The following CDC14A variants were observed in gnomAD, a reference collection of about 807,000 sequenced individuals.
CDC14A encodes the protein dual specificity protein phosphatase CDC14A.
CDC14A carries 53 observed loss-of-function variants against 74.4 expected under a neutral mutation model. The observed-to-expected ratio is 0.71, with a 90% confidence interval of 0.57 to 0.89. The LOEUF (loss-of-function observed/expected upper bound fraction) is 0.89, where lower values mean the gene tolerates loss of function less well. CDC14A is among the 40% of genes least tolerant of loss of function. The pLI is 0.00. For missense variants in CDC14A, 646 were observed against 713.7 expected, an observed-to-expected ratio of 0.91 and a Z score of 1.08; for synonymous variants, 247 against 258.4, an observed-to-expected ratio of 0.96 and a Z score of 0.43.
At chr1:100,467,121 C>T (rs1025506727) in intron 9 of CDC14A, among the ~76,000 whole-genome samples, 5 of 152,040 alleles carry the variant, frequency 3.3e-5, no homozygotes, top group Admixed American at 6.6e-5. Context: ...TAAAGACATA[C>T]ATTTTTCATA....
upstream of CDC14A, among the ~76,000 whole-genome samples, chr1:100,348,035 G>C (rs186989567): frequency 1.5e-4 from 23 of 152,226 alleles, no homozygotes; most frequent in Admixed American, 1.2e-3. Flanking sequence ...TGTAATCCCA[G>C]CACTTTGGGA....
chr1:100,373,975 C>T (rs929370025), intron 2 of CDC14A, among the ~76,000 whole-genome samples: 4 of 152,124 alleles, frequency 2.6e-5, no homozygotes, highest in Non-Finnish European at 2.9e-5. Flanking sequence ...CCACAACAGT[C>T]CCCAGAGTGT....
chr1:100,454,821 C>T (rs890029018), intron 7 of CDC14A, among the ~76,000 whole-genome samples: 3 of 152,120 alleles, frequency 2.0e-5, no homozygotes, highest in African/African-American at 7.2e-5. Flanking sequence ...ATGTATGTCC[C>T]TTGCTTGAAT....
chr1:100,394,882 CAAT>C (rs1658254457), intron 4 of CDC14A, among the ~76,000 whole-genome samples: 2 of 152,240 alleles, frequency 1.3e-5, no homozygotes, highest in African/African-American at 4.8e-5. Flanking sequence ...GTAAGATAGT[CAAT>C]AATATCCATT....
intron 15 of CDC14A, among the ~76,000 whole-genome samples, chr1:100,500,617 C>T (rs1416267654): frequency 6.6e-6 from 1 of 151,620 alleles, no homozygotes; most frequent in East Asian, 1.9e-4. Flanking sequence ...ATTAGCTGGG[C>T]GTGGTGGCAC....
At chr1:100,510,149 T>A (rs1397770115) in intron 15 of CDC14A, among the ~76,000 whole-genome samples, 1 of 152,202 alleles carries the variant, frequency 6.6e-6, no homozygotes, top group Non-Finnish European at 1.5e-5. Context: ...CTGGAAGACT[T>A]TTGCTTCTAC....
intron 12 of CDC14A, 29 bp downstream of exon 12, chr1:100,494,959 T>A: frequency 8.8e-7 from 1 of 1,138,296 alleles, no homozygotes; most frequent in Non-Finnish European, 1.3e-6. Context: ...CTTCAATTTA[T>A]AGTGTGCTTC....
At chr1:100,397,364 C>A (rs1658656010) in intron 4 of CDC14A, among the ~76,000 whole-genome samples, 1 of 152,124 alleles carries the variant, frequency 6.6e-6, no homozygotes. Context: ...AAGGTGTTTC[C>A]CTTCCAGGGC....
At chr1:100,399,048 G>A (rs974773589) in intron 4 of CDC14A, among the ~76,000 whole-genome samples, 10 of 152,098 alleles carry the variant, frequency 6.6e-5, no homozygotes, top group African/African-American at 2.4e-4. Flanking sequence ...ATAATCTAAT[G>A]AGAAGATAGG....
intron 3 of CDC14A, among the ~76,000 whole-genome samples, chr1:100,389,840 G>A (rs569278190): frequency 6.6e-6 from 1 of 152,188 alleles, no homozygotes; most frequent in South Asian, 2.1e-4. Flanking sequence ...GCTCATTAAA[G>A]ACAGTTTATG....
chr1:100,396,044 T>G lies in CDC14A; in HGVS notation c.309+5220T>G, dbSNP rs114545013. Among the ~76,000 whole-genome samples the G allele has an allele frequency of 2.9e-3, 448 of 152,346 alleles. 1 individual carries two copies. Among genetic ancestry groups the G allele is most frequent in the Non-Finnish European group, 5.3e-3 (360 of 68,032 alleles). On this transcript the variant is annotated intron_variant, in intron 4 of 15. Coordinates refer to ENST00000336454, the MANE Select transcript of CDC14A (RefSeq NM_003672.4). Reference sequence around the variant, plus strand: ...CAGCATGCTACTATTTGAAATTACTTTGTTTATGCATTTACTTGCTTATTA... The same window carrying G: ...CAGCATGCTACTATTTGAAATTACTGTGTTTATGCATTTACTTGCTTATTA...
At chr1:100,364,369 A>C (rs1179405974) in intron 2 of CDC14A, among the ~76,000 whole-genome samples, 2 of 151,306 alleles carry the variant, frequency 1.3e-5, no homozygotes, top group African/African-American at 4.9e-5. Flanking sequence ...CACCACACCC[A>C]GCTAATTTTT....
At chr1:100,468,174 G>A (rs1668034549) in intron 10 of CDC14A, 80 bp downstream of exon 10, 1 of 1,517,576 alleles carries the variant, frequency 6.6e-7, no homozygotes, top group African/African-American at 1.4e-5. Flanking sequence ...TGTGGACCAT[G>A]TCAGCCTGTG....
At chr1:100,381,400 T>C (rs565590) in intron 3 of CDC14A, among the ~76,000 whole-genome samples, 104,897 of 152,178 alleles carry the variant, frequency 0.69, 37,824 homozygotes, top group African/African-American at 0.92. Context: ...CTGTGTTAAC[T>C]AGTAACTTCG....
Position 100,439,972 on chromosome 1 carries a change from C to T in CDC14A, c.430C>T (p.Leu144Phe), listed in dbSNP as rs1018262042. ...FGNCTYNLTI[L>F]DCLQGIRKGL... ...AAATTGCACTTACAATCTCACCATT[C>T]TCGACTGTTTGCAGGGAATCAGAAA... Residue 144 changes from leucine to phenylalanine, a missense_variant, in exon 6 of 16, where the codon CTC becomes TTC. Physicochemically the swap from Leu to Phe is conservative, Grantham distance 22. Transcript: ENST00000336454. 1 of 1,613,310 alleles carries T rather than the reference C, an allele frequency of 6.2e-7. No homozygotes were observed. Among genetic ancestry groups the T allele is most frequent in the Non-Finnish European group, 8.5e-7 (1 of 1,179,354 alleles).
Position 100,365,656 on chromosome 1 carries a change from T to A in CDC14A, c.140+11804T>A, listed in dbSNP as rs903388734. Among the ~76,000 whole-genome samples the A allele has an allele frequency of 4.6e-5, 7 of 152,254 alleles. No homozygotes were observed. In the South Asian group the frequency reaches 1.4e-3, roughly 32 times the overall value. The stretch of plus-strand genomic sequence containing the variant: ...CTGTGTGTGTGGGAAGCTTGTTAGA[T>A]GTGCAGCAACTCTTCCCCAAGAAGT... On this transcript the variant is annotated intron_variant, in intron 2 of 15. Coordinates refer to ENST00000336454, the MANE Select transcript of CDC14A (RefSeq NM_003672.4).
chr1:100,424,408 A>G (rs1258298656), intron 5 of CDC14A, 107 bp downstream of exon 5: 6 of 767,424 alleles, frequency 7.8e-6, no homozygotes, highest in African/African-American at 1.7e-5. Flanking sequence ...CCATTATGTT[A>G]TATGGAATGA....
upstream of CDC14A, among the ~76,000 whole-genome samples, chr1:100,348,678 T>A (rs74103120): frequency 0.21 from 31,745 of 152,074 alleles, 3,506 homozygotes; most frequent in African/African-American, 0.26. Flanking sequence ...TAAGGAGAAA[T>A]GGAAGGTGTT....
chr1:100,505,029 G>A, intron 15 of CDC14A: 1 of 1,176,300 alleles, frequency 8.5e-7, no homozygotes, highest in South Asian at 1.9e-5. Context: ...TATTGTCTGT[G>A]TATGTAAGAA....
Sources: gnomAD v4.1 joint callset for allele counts (sites outside exome capture counted in the v4.1 genomes callset) on GRCh38, gnomAD v4.1.1 for gene constraint, MANE v1.5 for transcripts, NCBI Gene and HGNC (gene_info 2026-07-23, HGNC 2026-07-21) for gene names.